Variants in PHKB observed in about 807,000 individuals in gnomAD.
PHKB encodes the protein phosphorylase kinase regulatory subunit beta.
Under a neutral mutation model 152.1 loss-of-function variants are expected in PHKB, and 122 were observed. The ratio of observed to expected loss-of-function variants is 0.80; its 90% CI spans 0.69 to 0.93. PHKB has a LOEUF of 0.93. PHKB is among the 40% of genes least tolerant of loss of function. The pLI is 0.00. For synonymous variants in PHKB, 436 were observed against 464.9 expected (o/e 0.94, Z 0.80); for missense variants, 1,304 against 1,328.4 (o/e 0.98, Z 0.29).
chr16:47,668,133 A>G (rs1249040178), intron 25 of PHKB, among the ~76,000 whole-genome samples: 1 of 152,196 alleles, frequency 6.6e-6, no homozygotes, highest in African/African-American at 2.4e-5. Context: ...CTGAAGTAAT[A>G]TTGTTTCTAC....
intron 26 of PHKB, among the ~76,000 whole-genome samples, chr16:47,688,681 CTTTTTTTTT>C (rs75628138): frequency 1.6e-5 from 2 of 124,668 alleles, no homozygotes; most frequent in Admixed American, 1.6e-4. Flanking sequence ...GCTCTCTTTC[CTTTTTTTTT>C]TTTTTTTTGG....
chr16:47,648,515 C>T lies in PHKB; in HGVS notation c.1609-18C>T. ...TGGATTCTTACCTGACTCTAATTTA[C>T]AAACTTGTGTCTTACAGGCTTATTT... On this transcript the variant is annotated intron_variant, in intron 16 of 30. Coordinates refer to ENST00000323584, the MANE Select transcript of PHKB (RefSeq NM_000293.3). 6.4e-7 allele frequency: 1 copy of T among 1,568,370 alleles called. No homozygotes were observed. The highest frequency in any genetic ancestry group is 8.8e-7 in the Non-Finnish European group (1 of 1,138,646).
chr16:47,697,929 G>A (rs943788644), intron 29 of PHKB, among the ~76,000 whole-genome samples: 2 of 152,118 alleles, frequency 1.3e-5, no homozygotes, highest in African/African-American at 4.8e-5. Context: ...TTAAAACATG[G>A]CCATCCCTTG....
At chr16:47,502,723 C>T (rs1368811620) in intron 3 of PHKB, among the ~76,000 whole-genome samples, 1 of 152,118 alleles carries the variant, frequency 6.6e-6, no homozygotes, top group Non-Finnish European at 1.5e-5. Flanking sequence ...TCAGCCAAAT[C>T]GCTGTAGAAA....
chr16:47,608,933 G>A (rs1198415584), intron 13 of PHKB, among the ~76,000 whole-genome samples: 1 of 152,090 alleles, frequency 6.6e-6, no homozygotes, highest in Non-Finnish European at 1.5e-5. Context: ...CCAGTTCAAT[G>A]TTGAATAGAA....
At chr16:47,625,342 C>A (rs906008600) in intron 14 of PHKB, among the ~76,000 whole-genome samples, 3 of 152,202 alleles carry the variant, frequency 2.0e-5, no homozygotes, top group Non-Finnish European at 4.4e-5. Flanking sequence ...TGAGTCTTTT[C>A]CTTGTTTGAA....
At chr16:47,503,866 G>A (rs961882617) in intron 4 of PHKB, among the ~76,000 whole-genome samples, 2 of 152,030 alleles carry the variant, frequency 1.3e-5, no homozygotes, top group African/African-American at 2.4e-5. Context: ...GCTTTACAGC[G>A]TTATGTGGAA....
chr16:47,580,225 C>A, intron 7 of PHKB, 70 bp from the exon 8 acceptor site: 1 of 1,120,696 alleles, frequency 8.9e-7, no homozygotes, highest in Non-Finnish European at 1.4e-6. Flanking sequence ...CGTGAATATT[C>A]ATCAGATAAT....
chr16:47,471,992 C>A (rs1204790745), intron 1 of PHKB, among the ~76,000 whole-genome samples: 2 of 152,080 alleles, frequency 1.3e-5, no homozygotes, highest in East Asian at 3.9e-4. Context: ...GGAGGCGGGT[C>A]TTGCATTGAG....
Position 47,689,108 on chromosome 16 carries a change from T to G in PHKB, c.2698T>G (p.Tyr900Asp), listed in dbSNP as rs755000456. The G allele has an allele frequency of 9.9e-6, 16 of 1,614,098 alleles. No homozygotes were observed. Among genetic ancestry groups the G allele is most frequent in the Non-Finnish European group, 1.4e-5 (16 of 1,179,944 alleles). Residue 900 changes from tyrosine (Y) to aspartate (D), a missense_variant, in exon 27 of 31, where the codon TAT becomes GAT. Tyr to Asp is a radical substitution (Grantham distance 160). Coordinates refer to ENST00000323584, the MANE Select transcript of PHKB (RefSeq NM_000293.3). ...CGGAGACAAGCCAGCCTTGGACTTG[T>G]ATCAGCTGTCACCTAGTGAAGTTAA... ...RGGDKPALDL[Y>D]QLSPSEVKQL... is the part of the protein sequence containing the mutation.
chr16:47,621,009 C>T (rs758401430), intron 14 of PHKB, among the ~76,000 whole-genome samples: 1 of 152,170 alleles, frequency 6.6e-6, no homozygotes, highest in Non-Finnish European at 1.5e-5. Flanking sequence ...ACCTCATTGG[C>T]TGGGAGGAGC....
intron 14 of PHKB, among the ~76,000 whole-genome samples, chr16:47,631,662 T>A (rs1271015467): frequency 6.6e-6 from 1 of 152,158 alleles, no homozygotes; most frequent in African/African-American, 2.4e-5. Context: ...CAGTGTGTGA[T>A]GTTCCCCTCT....
intron 6 of PHKB, among the ~76,000 whole-genome samples, chr16:47,536,702 G>A (rs1970958416): frequency 6.6e-6 from 1 of 152,116 alleles, no homozygotes; most frequent in Non-Finnish European, 1.5e-5. Context: ...CTCAGTTCTG[G>A]GTTTTGCTGA....
chr16:47,570,412 A>T (rs1971638479), intron 7 of PHKB, among the ~76,000 whole-genome samples: 1 of 152,140 alleles, frequency 6.6e-6, no homozygotes, highest in Admixed American at 6.5e-5. Context: ...CTGAGGAACA[A>T]CTTTGATTCT....
At chr16:47,591,749 G>A (rs1490863306) in intron 10 of PHKB, among the ~76,000 whole-genome samples, 1 of 151,936 alleles carries the variant, frequency 6.6e-6, no homozygotes, top group Non-Finnish European at 1.5e-5. Flanking sequence ...GAACATCCTC[G>A]CTTAGATGTC....
At chr16:47,593,172 A>G (rs1490421903) in intron 10 of PHKB, among the ~76,000 whole-genome samples, 1 of 80,184 alleles carries the variant, frequency 1.2e-5, no homozygotes, top group Admixed American at 1.4e-4. Flanking sequence ...AGGGAGAGGG[A>G]GAGAGAGAGA....
intron 14 of PHKB, among the ~76,000 whole-genome samples, chr16:47,616,690 A>G (rs948993737): frequency 1.3e-5 from 2 of 148,944 alleles, no homozygotes; most frequent in Non-Finnish European, 3.0e-5. Context: ...TATAAATATT[A>G]TATATTGCCC....
chr16:47,619,696 T>C (rs1972583752), intron 14 of PHKB, among the ~76,000 whole-genome samples: 1 of 152,248 alleles, frequency 6.6e-6, no homozygotes, highest in Admixed American at 6.5e-5. Context: ...ACCTTCGTTG[T>C]TCATACTGCA....
Position 47,547,429 on chromosome 16 carries a change from T to G in PHKB, c.595-4T>G. The G allele has an allele frequency of 6.4e-7, 1 of 1,553,976 alleles. No homozygotes were observed. The highest frequency in any genetic ancestry group is 8.9e-7 in the Non-Finnish European group (1 of 1,125,558). ...TCCTTATGTTTCATTTCTTTTTCTTTTAGGTCTCTTTTATTCAAAACCTTG... is the reference window on the plus strand; with the variant it reads ...TCCTTATGTTTCATTTCTTTTTCTTGTAGGTCTCTTTTATTCAAAACCTTG... On this transcript the variant is annotated splice_polypyrimidine_tract_variant and splice_region_variant and intron_variant, in intron 6 of 30. Transcript: ENST00000323584.
Sources: gnomAD v4.1 joint callset for allele counts (sites outside exome capture counted in the v4.1 genomes callset) on GRCh38, gnomAD v4.1.1 for gene constraint, MANE v1.5 for transcripts, NCBI Gene and HGNC (gene_info 2026-07-23, HGNC 2026-07-21) for gene names.